GAK: variants seen among roughly 807,000 people sequenced by gnomAD.
GAK encodes the protein cyclin G associated kinase, also known as cyclin-G-associated kinase.
A neutral mutation model predicts 143.9 loss-of-function variants in GAK; 79 were observed. The ratio of observed to expected loss-of-function variants is 0.55; its 90% CI spans 0.46 to 0.66. The LOEUF is 0.66. Among genes scored for constraint, GAK ranks in the 30% least tolerant of loss-of-function variants. The pLI, the probability that GAK is intolerant of heterozygous loss-of-function variation, is 0.00. For synonymous variants in GAK, 881 were observed against 765.5 expected, an observed-to-expected ratio of 1.15 and a Z score of -2.49; for missense variants, 1,693 against 1,779.7, an observed-to-expected ratio of 0.95 and a Z score of 0.88.
chr4:902,198 C>T (rs189010746), intron 5 of GAK, among the ~76,000 whole-genome samples: 36 of 151,140 alleles, frequency 2.4e-4, no homozygotes, highest in African/African-American at 8.5e-4. Flanking sequence ...GATCGTGCCA[C>T]TGCACTCCAG....
At chr4:913,813 C>T (rs939880852) in intron 1 of GAK, 145 bp from the exon 2 acceptor site, 10 of 664,000 alleles carry the variant, frequency 1.5e-5, no homozygotes, top group Admixed American at 6.7e-5. Context: ...CCAGCGTACA[C>T]GCCCCCCGCA....
chr4:868,413 G>T, intron 20 of GAK, 126 bp downstream of exon 20: 1 of 850,696 alleles, frequency 1.2e-6, no homozygotes, highest in South Asian at 1.7e-5. Context: ...CGGGTGCACA[G>T]CCCCACTGAG....
Position 888,707 on chromosome 4 carries a change from G to A in GAK, c.1205+140C>T, listed in dbSNP as rs376041731. 6.2e-6 allele frequency: 6 copies of A among 967,264 alleles called. No homozygotes were observed. The East Asian group carries it at 1.1e-4, about 17-fold the overall frequency. 59.9% of individuals were successfully genotyped at this position (967,264 alleles called of 1,614,324 possible). ...CTCATTCCGACTCCCTGGGAGAAGC[G>A]GGTGATGCTGTCCCACTGCCTCAGG... is the stretch of plus-strand genomic sequence containing the variant. On this transcript the variant is annotated intron_variant, in intron 11 of 27. Transcript: ENST00000314167.
chr4:874,168 CGT>C (rs1273108620), intron 18 of GAK, among the ~76,000 whole-genome samples: 11 of 151,740 alleles, frequency 7.2e-5, no homozygotes, highest in African/African-American at 1.7e-4. Flanking sequence ...TACATGCACA[CGT>C]GTGTTGGTGC....
chr4:861,238 A>T (rs1322379086), intron 23 of GAK, among the ~76,000 whole-genome samples: 3 of 152,124 alleles, frequency 2.0e-5, no homozygotes, highest in African/African-American at 7.2e-5. Flanking sequence ...AAGAGTTGCA[A>T]GTGTCTCACT....
chr4:898,005 C>G (rs751925961), intron 6 of GAK, 28 bp downstream of exon 6: 1 of 1,595,302 alleles, frequency 6.3e-7, no homozygotes, highest in Non-Finnish European at 8.6e-7. Context: ...GGGCCAGCTT[C>G]CCCCAGCATA....
At chr4:912,100 C>T (rs905947377) in intron 3 of GAK, 3 of 467,848 alleles carry the variant, frequency 6.4e-6, no homozygotes, top group South Asian at 4.6e-5. Context: ...GGGCTGTGCG[C>T]AGGGAGGCTG....
Position 877,634 on chromosome 4 carries a change from G to T in GAK, c.1837C>A (p.Gln613Lys). The T allele has an allele frequency of 6.3e-7, 1 of 1,596,040 alleles. No individual in the cohort carries two copies. The highest frequency in any genetic ancestry group is 8.6e-7 in the Non-Finnish European group (1 of 1,169,472). The change falls in exon 16 of 28, where the codon CAG becomes AAG. Residue 613 changes from glutamine to lysine, a missense_variant. Around this residue, in one of 2 missense-constraint regions of GAK, gnomAD observed 871 missense variants for 991.0 expected, o/e 0.88. Transcript: ENST00000314167. ...ACTCACCGCATCTTGTCGTACTCCT[G>T]GGAGGTGCTGGCCACACGCTCGTCC... ...VGDERVASTS[Q>K]EYDKMRDFKI... is the part of the protein sequence containing the mutation.
chr4:861,443 T>G (rs1750260176), intron 23 of GAK, among the ~76,000 whole-genome samples: 1 of 151,928 alleles, frequency 6.6e-6, no homozygotes, highest in African/African-American at 2.4e-5. Context: ...TTTAAAAAAT[T>G]AGATGGGCAT....
chr4:868,026 C>T (rs569553599), intron 20 of GAK, among the ~76,000 whole-genome samples: 2 of 152,232 alleles, frequency 1.3e-5, no homozygotes, highest in Non-Finnish European at 2.9e-5. Flanking sequence ...GGGACGAGCC[C>T]GATGGGAAGG....
At chr4:883,754 G>A (rs1419620954) in intron 12 of GAK, among the ~76,000 whole-genome samples, 1 of 152,246 alleles carries the variant, frequency 6.6e-6, no homozygotes, top group African/African-American at 2.4e-5. Flanking sequence ...GATGCCTGGT[G>A]CACAGAGGCC....
intron 8 of GAK, 59 bp from the exon 9 acceptor site, chr4:893,548 T>C (rs921266266): frequency 7.8e-7 from 1 of 1,277,794 alleles, no homozygotes; most frequent in Non-Finnish European, 1.1e-6. Flanking sequence ...CAGCACCCCC[T>C]GCACTGGCAG....
At chr4:906,828 C>CT (rs1331759980) in intron 4 of GAK, among the ~76,000 whole-genome samples, 1 of 152,220 alleles carries the variant, frequency 6.6e-6, no homozygotes, top group Admixed American at 6.5e-5. Flanking sequence ...GCTGCCAGAG[C>CT]TTGCGCTCCC....
At position 904,730 on chromosome 4, in the gene GAK, C is replaced by T. The variant is rs745498702; in HGVS notation, c.432G>A (p.Ser144=). The change falls in exon 5 of 28, where the codon TCG becomes TCA. Residue 144 remains serine, a synonymous_variant. Transcript: ENST00000314167. ...LKKMESRGPL[S]CDTVLKIFYQ... Reference sequence around the variant, plus strand: ...AGAAGATCTTCAGAACCGTGTCGCACGAAAGGGGGCCTCGAGATTCCATTT... The same window carrying T: ...AGAAGATCTTCAGAACCGTGTCGCATGAAAGGGGGCCTCGAGATTCCATTT... 10 of 1,614,058 alleles carry T rather than the reference C, an allele frequency of 6.2e-6. No homozygotes were observed. The Admixed American group carries it at 8.3e-5, about 13-fold the overall frequency.
chr4:852,146 A>C lies in GAK; in HGVS notation c.3284-172T>G. 6.1e-6 allele frequency: 4 copies of C among 654,282 alleles called. No homozygotes were observed. The Admixed American group carries it at 9.2e-5, about 15-fold the overall frequency. The allele number at this position is 654,282 out of a possible 1,614,324, so 40.5% of individuals were successfully genotyped here. On this transcript the variant is annotated intron_variant, in intron 24 of 27. Transcript: ENST00000314167. ...TCCACCCACACGTGTGAAGGTCTCC[A>C]GGGGCTGGAGCACAGGCCAGGTGCT...
At chr4:870,943 A>G (rs1451199589) in intron 18 of GAK, 39 bp from the exon 19 acceptor site, 2 of 1,548,750 alleles carry the variant, frequency 1.3e-6, no homozygotes, top group Non-Finnish European at 8.8e-7. Context: ...AAGGCCACCC[A>G]AGTAGTCTGT....
rs35567795 is a variant in GAK at position 922,514 on chromosome 4, C to CAAA, written c.146-8849_146-8847dup. On this transcript the variant is annotated intron_variant, in intron 1 of 27. Coordinates refer to ENST00000314167, the MANE Select transcript of GAK (RefSeq NM_005255.4). ...TGGGTGACAGAGCGAGACTCCATCTCAAAAAAAAAAAAAAAAAAAAGGCAG... is the reference window on the plus strand; with the variant it reads ...TGGGTGACAGAGCGAGACTCCATCTCAAAAAAAAAAAAAAAAAAAAAAAGGCAG... 1.9e-3 allele frequency among the ~76,000 whole-genome samples: 117 copies of CAAA among 62,900 alleles called. 1 individual carries two copies. Among genetic ancestry groups the CAAA allele is most frequent in the African/African-American group, 8.0e-3 (105 of 13,066 alleles). The allele number at this position is 62,900 out of a possible 152,430, so 41.3% of individuals were successfully genotyped here. A position where few individuals can be genotyped will look rare whatever the true frequency, so the allele number is the denominator to read the frequency against.
intron 23 of GAK, among the ~76,000 whole-genome samples, chr4:862,097 G>GAT (rs1350307086): frequency 6.7e-6 from 1 of 149,988 alleles, no homozygotes; most frequent in African/African-American, 2.5e-5. Flanking sequence ...TCTCCATGCA[G>GAT]ACGAGACGGC....
chr4:885,591 G>A (rs1268012431), intron 11 of GAK, among the ~76,000 whole-genome samples: 1 of 152,188 alleles, frequency 6.6e-6, no homozygotes, highest in Non-Finnish European at 1.5e-5. Context: ...TGCTAGGGCT[G>A]CACCGGATGC....
Sources: gnomAD v4.1 joint callset for allele counts (sites outside exome capture counted in the v4.1 genomes callset) on GRCh38, gnomAD v4.1.1 for gene constraint, gnomAD v4.1.1 regional missense constraint, MANE v1.5 for transcripts, NCBI Gene and HGNC (gene_info 2026-07-23, HGNC 2026-07-21) for gene names.